NME7: variants seen among roughly 807,000 people sequenced by gnomAD.
NME7 encodes NME/NM23 family member 7.
A neutral mutation model predicts 49.1 loss-of-function variants in NME7; 41 were observed. The ratio of observed to expected loss-of-function variants is 0.83; its 90% CI spans 0.65 to 1.08. The LOEUF is 1.08. NME7 is among the 50% of genes least tolerant of loss of function. The pLI is 0.00. For missense variants in NME7, 423 were observed against 463.4 expected, an observed-to-expected ratio of 0.91 and a Z score of 0.80; for synonymous variants, 139 against 150.6, an observed-to-expected ratio of 0.92 and a Z score of 0.56.
chr1:169,242,726 G>T (rs970356189), intron 7 of NME7, among the ~76,000 whole-genome samples: 3 of 150,356 alleles, frequency 2.0e-5, no homozygotes, highest in Non-Finnish European at 3.0e-5. Flanking sequence ...AAGGTTGAAA[G>T]ATACAAGGTA....
At chr1:169,295,063 C>T (rs552108693) in intron 6 of NME7, among the ~76,000 whole-genome samples, 1 of 152,276 alleles carries the variant, frequency 6.6e-6, no homozygotes, top group South Asian at 2.1e-4. Context: ...ACCATGTGAT[C>T]TGTGCACACG....
At chr1:169,238,123 G>C (rs7519279) in intron 7 of NME7, among the ~76,000 whole-genome samples, 37,073 of 151,716 alleles carry the variant, frequency 0.24, 5,473 homozygotes, top group Non-Finnish European at 0.34. Flanking sequence ...GAAGCTTCAC[G>C]GGGAAATGAA....
At chr1:169,179,073 G>T (rs932442670) in intron 10 of NME7, among the ~76,000 whole-genome samples, 1 of 151,922 alleles carries the variant, frequency 6.6e-6, no homozygotes, top group African/African-American at 2.4e-5. Context: ...TGCCCACCTC[G>T]GCCTCCCAAG....
chr1:169,241,080 A>C (rs946767158), intron 7 of NME7, among the ~76,000 whole-genome samples: 1 of 152,138 alleles, frequency 6.6e-6, no homozygotes, highest in African/African-American at 2.4e-5. Flanking sequence ...AACAATTGTG[A>C]ATAGGATTAC....
At chr1:169,363,301 A>G (rs925527990) in intron 1 of NME7, among the ~76,000 whole-genome samples, 7 of 152,144 alleles carry the variant, frequency 4.6e-5, no homozygotes, top group Non-Finnish European at 1.0e-4. Context: ...TATTATTCAA[A>G]GTACCCTGTG....
chr1:169,291,737 C>T (rs1184134396), intron 6 of NME7, among the ~76,000 whole-genome samples: 1 of 152,094 alleles, frequency 6.6e-6, no homozygotes, highest in Non-Finnish European at 1.5e-5. Context: ...CAGACATCAA[C>T]ATCAAAGTAA....
intron 1 of NME7, among the ~76,000 whole-genome samples, chr1:169,351,513 C>A: frequency 6.7e-6 from 1 of 149,224 alleles, no homozygotes; most frequent in East Asian, 2.0e-4. Flanking sequence ...TAATGATGAA[C>A]CTTAGAAAAT....
chr1:169,282,195 G>A (rs1009272885), intron 7 of NME7, among the ~76,000 whole-genome samples: 4 of 152,114 alleles, frequency 2.6e-5, no homozygotes, highest in Non-Finnish European at 5.9e-5. Flanking sequence ...ATGTGTCCAG[G>A]AATTTATCCA....
chr1:169,335,960 G>A (rs1052190097), intron 1 of NME7, among the ~76,000 whole-genome samples: 1 of 151,802 alleles, frequency 6.6e-6, no homozygotes. Flanking sequence ...GTGGGTTCTT[G>A]GTCTCACCGA....
chr1:169,173,427 G>A (rs967335094), intron 10 of NME7, among the ~76,000 whole-genome samples: 6 of 151,938 alleles, frequency 3.9e-5, no homozygotes, highest in Admixed American at 2.0e-4. Context: ...AAAACATGAA[G>A]TATTTTTACT....
At chr1:169,308,273 A>G (rs943665237) in intron 4 of NME7, among the ~76,000 whole-genome samples, 3 of 152,204 alleles carry the variant, frequency 2.0e-5, no homozygotes, top group Non-Finnish European at 4.4e-5. Flanking sequence ...AATCAGATGT[A>G]TTGAAGCTGA....
At chr1:169,277,146 G>A (rs1331643196) in intron 7 of NME7, among the ~76,000 whole-genome samples, 2 of 150,418 alleles carry the variant, frequency 1.3e-5, no homozygotes, top group South Asian at 4.4e-4. Flanking sequence ...GGGTGGTGCT[G>A]AAAATATGTA....
intron 1 of NME7, among the ~76,000 whole-genome samples, chr1:169,336,156 C>G (rs181477166): frequency 1.1e-4 from 16 of 151,586 alleles, no homozygotes; most frequent in Admixed American, 3.3e-4. Flanking sequence ...CTTAAGACAG[C>G]GCGTCCGGAG....
At chr1:169,168,974 T>C (rs1052081387) in intron 11 of NME7, 3 of 438,924 alleles carry the variant, frequency 6.8e-6, no homozygotes, top group Non-Finnish European at 1.4e-5. Flanking sequence ...CTGTATGTAT[T>C]TTCATGACTA....
rs147957061 is a variant in NME7, at chr1:169,164,229, C to T, written c.1098+5218G>A. On this transcript the variant is annotated intron_variant, in intron 11 of 11. Transcript: ENST00000367811. ...AGGAAACACTGTTATAGAGTCTTCT[C>T]TATAAAGTGTGACATACTTTTTCAC... Among the ~76,000 whole-genome samples the T allele has an allele frequency of 4.4e-3, 673 of 152,112 alleles. 5 individuals carry two copies. The highest frequency in any genetic ancestry group is 0.015 in the African/African-American group (633 of 41,474).
chr1:169,355,051 T>G, intron 1 of NME7, among the ~76,000 whole-genome samples: 1 of 76,208 alleles, frequency 1.3e-5, no homozygotes, highest in Non-Finnish European at 2.3e-5. Flanking sequence ...AGATATAATA[T>G]ATAATATACT....
chr1:169,243,312 T>G (rs1196069142), intron 7 of NME7, among the ~76,000 whole-genome samples: 1 of 152,090 alleles, frequency 6.6e-6, no homozygotes, highest in Admixed American at 6.5e-5. Flanking sequence ...ACAAACTCAG[T>G]AAAGTTAGGA....
chr1:169,168,934 A>G (rs1659495910), intron 11 of NME7: 1 of 454,094 alleles, frequency 2.2e-6, no homozygotes, highest in Non-Finnish European at 4.4e-6. Flanking sequence ...TAAGTGGACC[A>G]GCACAGTTCA....
intron 1 of NME7, among the ~76,000 whole-genome samples, chr1:169,347,351 A>G (rs955894577): frequency 6.6e-6 from 1 of 152,252 alleles, no homozygotes; most frequent in African/African-American, 2.4e-5. Context: ...GATGAGGAAA[A>G]GCCAGTCATG....
Sources: allele counts gnomAD v4.1 joint callset (sites outside exome capture counted in the v4.1 genomes callset), GRCh38; gene constraint gnomAD v4.1.1; transcripts MANE v1.5; gene names NCBI Gene and HGNC (gene_info 2026-07-23, HGNC 2026-07-21).